The following GLIS3 variants were observed in gnomAD, a reference collection of about 807,000 sequenced individuals.
The protein encoded by GLIS3 is zinc finger protein GLIS3.
In GLIS3, 53 loss-of-function variants were observed where a neutral mutation model predicts 78.6. The observed-to-expected ratio is 0.67, with a 90% confidence interval of 0.54 to 0.85. GLIS3 has a LOEUF of 0.85. Ranked by LOEUF, GLIS3 falls within the 40% of genes least tolerant of loss-of-function variation. The probability of loss-of-function intolerance (pLI) is 0.00; values close to 1 mark genes in which losing one functional copy is unlikely to be tolerated. For missense variants in GLIS3, 1,703 were observed against 1,231.1 expected (o/e 1.38, Z -5.74); for synonymous variants, 684 against 509.9 (o/e 1.34, Z -4.60).
chr9:4,182,313 C>T (rs1586901944), intron 2 of GLIS3, among the ~76,000 whole-genome samples: 1 of 152,170 alleles, frequency 6.6e-6, no homozygotes, highest in East Asian at 1.9e-4. Flanking sequence ...CTGCCACAGT[C>T]CTCATCACTC....
chr9:4,174,442 T>G (rs535206718), intron 2 of GLIS3, among the ~76,000 whole-genome samples: 1 of 152,322 alleles, frequency 6.6e-6, no homozygotes, highest in East Asian at 1.9e-4. Context: ...TCTTTCAACT[T>G]AGAATAATTA....
upstream of GLIS3, among the ~76,000 whole-genome samples, chr9:4,348,810 G>A (rs1213855636): frequency 1.3e-5 from 2 of 152,110 alleles, no homozygotes; most frequent in South Asian, 2.1e-4. Context: ...AGCTCAATAT[G>A]ATTCCAACTT....
At chr9:4,387,911 T>A in the GLIS3 span, among the ~76,000 whole-genome samples, 1 of 152,232 alleles carries the variant, frequency 6.6e-6, no homozygotes, top group East Asian at 1.9e-4. Context: ...ACATTTCTAA[T>A]CATTGCTTCT....
At chr9:4,486,238 T>A in the GLIS3 span, among the ~76,000 whole-genome samples, 1 of 152,044 alleles carries the variant, frequency 6.6e-6, no homozygotes, top group African/African-American at 2.4e-5. Context: ...CCTCAAGGTC[T>A]CTCTGACTTC....
chr9:4,161,837 C>G (rs998995795), intron 2 of GLIS3, among the ~76,000 whole-genome samples: 1 of 101,512 alleles, frequency 9.9e-6, no homozygotes, highest in African/African-American at 3.8e-5. Context: ...ATGTCACACC[C>G]AGCTAATTTT....
At chr9:4,227,039 G>C (rs145777556) in intron 2 of GLIS3, among the ~76,000 whole-genome samples, 3 of 152,296 alleles carry the variant, frequency 2.0e-5, no homozygotes, top group African/African-American at 7.2e-5. Flanking sequence ...TTGCATGCAA[G>C]GGGGAAGCCT....
intron 6 of GLIS3, among the ~76,000 whole-genome samples, chr9:3,923,099 T>C (rs1417283011): frequency 6.6e-6 from 1 of 152,236 alleles, no homozygotes; most frequent in Non-Finnish European, 1.5e-5. Flanking sequence ...GTAGTCATAG[T>C]TGGATAAGCC....
chr9:4,378,618 CAG>C, the GLIS3 span, among the ~76,000 whole-genome samples: 1 of 152,068 alleles, frequency 6.6e-6, no homozygotes, highest in Non-Finnish European at 1.5e-5. Context: ...ATAATGAAAA[CAG>C]AAAGAGAGAT....
At chr9:4,037,371 T>C (rs1824405906) in intron 4 of GLIS3, among the ~76,000 whole-genome samples, 1 of 152,184 alleles carries the variant, frequency 6.6e-6, no homozygotes, top group South Asian at 2.1e-4. Context: ...TAAAATAGGA[T>C]GGTAAAAGTG....
intron 9 of GLIS3, among the ~76,000 whole-genome samples, chr9:3,838,825 T>G (rs541986680): frequency 2.2e-4 from 34 of 152,322 alleles, no homozygotes; most frequent in Non-Finnish European, 3.8e-4. Flanking sequence ...CTCGGGATAT[T>G]TGTGGAGCCC....
intron 2 of GLIS3, among the ~76,000 whole-genome samples, chr9:4,223,849 G>A (rs184422975): frequency 2.6e-5 from 4 of 152,262 alleles, no homozygotes; most frequent in Non-Finnish European, 1.5e-5. Flanking sequence ...AATTACAAAT[G>A]TCGGGAATTC....
intron 2 of GLIS3, among the ~76,000 whole-genome samples, chr9:4,330,355 C>T (rs1026484679): frequency 6.6e-6 from 1 of 152,246 alleles, no homozygotes; most frequent in African/African-American, 2.4e-5. Context: ...CTGGCACAGG[C>T]CCTGCGAGTT....
intron 2 of GLIS3, among the ~76,000 whole-genome samples, chr9:4,268,748 G>C (rs1826237201): frequency 6.6e-6 from 1 of 152,168 alleles, no homozygotes; most frequent in Admixed American, 6.5e-5. Flanking sequence ...TTCTGGAAGA[G>C]TTACTAGGAG....
At chr9:3,880,827 C>T (rs149306037) in intron 7 of GLIS3, among the ~76,000 whole-genome samples, 1 of 152,142 alleles carries the variant, frequency 6.6e-6, no homozygotes, top group Non-Finnish European at 1.5e-5. Flanking sequence ...TCTTCCCGCT[C>T]AAAAAGCTAC....
intron 4 of GLIS3, among the ~76,000 whole-genome samples, chr9:4,062,891 T>C (rs563160283): frequency 2.4e-4 from 36 of 150,788 alleles, no homozygotes; most frequent in African/African-American, 8.1e-4. Context: ...ATCATGCCAC[T>C]ACACTTCAGC....
At chr9:4,395,920 T>C in the GLIS3 span, among the ~76,000 whole-genome samples, 1 of 151,714 alleles carries the variant, frequency 6.6e-6, no homozygotes, top group Admixed American at 6.6e-5. Context: ...ATTACAGGCA[T>C]GCACCACCAC....
In GLIS3 at chr9:4,264,377, C is replaced by T. The variant is rs1370276827; in HGVS notation, c.388+21661G>A. On this transcript the variant is annotated intron_variant, in intron 2 of 10. Coordinates refer to ENST00000381971, the MANE Select transcript of GLIS3 (RefSeq NM_001042413.2). The stretch of plus-strand genomic sequence containing the variant: ...CTACTACAATAACCTAACTGGTTGT[C>T]TTGTTTTCACTCTTGCTTTCCCATC... Among the ~76,000 whole-genome samples the T allele has an allele frequency of 2.0e-5, 3 of 152,322 alleles. No individual in the cohort carries two copies. The East Asian group carries it at 5.8e-4, about 29-fold the overall frequency.
chr9:3,996,104 G>T (rs565871495), intron 4 of GLIS3, among the ~76,000 whole-genome samples: 33 of 152,158 alleles, frequency 2.2e-4, no homozygotes, highest in African/African-American at 7.2e-4. Flanking sequence ...ACATCAGGAG[G>T]AATCATATCT....
chr9:4,056,200 A>G (rs144920053), intron 4 of GLIS3, among the ~76,000 whole-genome samples: 1 of 152,346 alleles, frequency 6.6e-6, no homozygotes, highest in African/African-American at 2.4e-5. Flanking sequence ...GCAAAGTAGA[A>G]TTTCTAATTT....
Sources: allele counts gnomAD v4.1 joint callset (sites outside exome capture counted in the v4.1 genomes callset), GRCh38; gene constraint gnomAD v4.1.1; transcripts MANE v1.5; gene names NCBI Gene and HGNC (gene_info 2026-07-23, HGNC 2026-07-21).